The following QPCT variants were observed in gnomAD, a reference collection of about 807,000 sequenced individuals.
QPCT encodes glutaminyl-peptide cyclotransferase.
In QPCT, 44 loss-of-function variants were observed where a neutral mutation model predicts 43.4. The ratio of observed to expected loss-of-function variants is 1.01; its 90% CI spans 0.80 to 1.30. The LOEUF (loss-of-function observed/expected upper bound fraction) is 1.30, where lower values mean the gene tolerates loss of function less well. Ranked by LOEUF, QPCT falls within the 50% of genes most tolerant of loss-of-function variation. The pLI is 0.00. For missense variants in QPCT, 526 were observed against 436.5 expected, an observed-to-expected ratio of 1.21 and a Z score of -1.83; for synonymous variants, 168 against 168.4, an observed-to-expected ratio of 1.00 and a Z score of 0.02.
intron 3 of QPCT, 96 bp from the exon 4 acceptor site, chr2:37,367,136 T>C (rs1672979325): frequency 3.0e-6 from 4 of 1,339,602 alleles, no homozygotes; most frequent in Admixed American, 4.3e-5. Flanking sequence ...CCTTTCTTTA[T>C]GGCACATCTA....
chr2:37,350,000 CAGAG>C (rs1440122949), intron 1 of QPCT, among the ~76,000 whole-genome samples: 3 of 152,020 alleles, frequency 2.0e-5, no homozygotes, highest in African/African-American at 7.3e-5. Flanking sequence ...AGGTAAACAA[CAGAG>C]AGAGAGGGAG....
intron 1 of QPCT, among the ~76,000 whole-genome samples, chr2:37,348,932 C>G (rs1672564346): frequency 6.6e-6 from 1 of 152,232 alleles, no homozygotes; most frequent in Admixed American, 6.5e-5. Flanking sequence ...CCCTGCTGAG[C>G]TCGCTCTTTC....
Position 37,372,692 on chromosome 2 carries a change from T to C in QPCT, c.951T>C (p.Val317=). The change falls in exon 7 of 7, where the codon GTT becomes GTC. Residue 317 remains valine (V), a synonymous_variant. Coordinates refer to ENST00000338415, the MANE Select transcript of QPCT (RefSeq NM_012413.4). The part of the protein sequence containing the change: ...HIPFLRRGVP[V]LHLIPSPFPE... Reference sequence around the variant, plus strand: ...GTTCTTTCTTAATAGGTGTTCCAGTTCTGCATCTGATACCGTCTCCTTTCC... The same window carrying C: ...GTTCTTTCTTAATAGGTGTTCCAGTCCTGCATCTGATACCGTCTCCTTTCC... The C allele has an allele frequency of 6.8e-6, 11 of 1,612,902 alleles. No homozygotes were observed. The highest frequency in any genetic ancestry group is 9.3e-6 in the Non-Finnish European group (11 of 1,179,584).
chr2:37,360,246 G>T (rs376977589), intron 3 of QPCT, among the ~76,000 whole-genome samples: 1 of 152,178 alleles, frequency 6.6e-6, no homozygotes, highest in Admixed American at 6.5e-5. Flanking sequence ...TCTGAGAGAT[G>T]GTGGCTCTTG....
At chr2:37,353,763 G>A (rs1672673516) in intron 2 of QPCT, among the ~76,000 whole-genome samples, 1 of 152,200 alleles carries the variant, frequency 6.6e-6, no homozygotes, top group Admixed American at 6.5e-5. Flanking sequence ...GGGAAGGAAT[G>A]GGACTGGCCC....
rs938369100 is a variant in QPCT, at chr2:37,344,765, A to T, written c.34A>T (p.Thr12Ser). ...AGGRHRRVVG[T>S]LHLLLLVAAL... Reference sequence around the variant, plus strand: ...CGGAAGACACCGGCGCGTCGTGGGCACCCTCCACCTGCTGCTGCTGGTGGC... The same window carrying T: ...CGGAAGACACCGGCGCGTCGTGGGCTCCCTCCACCTGCTGCTGCTGGTGGC... Residue 12 changes from threonine (T) to serine (S), a missense_variant, in exon 1 of 7, where the codon ACC (threonine) becomes TCC (serine). By Grantham distance (58) the Thr-to-Ser change is moderately conservative (BLOSUM62 1). Coordinates refer to ENST00000338415, the MANE Select transcript of QPCT (RefSeq NM_012413.4). The T allele has an allele frequency of 6.2e-7, 1 of 1,607,940 alleles. No individual in the cohort carries two copies. The highest frequency in any genetic ancestry group is 1.3e-5 in the African/African-American group (1 of 74,570).
chr2:37,351,959 G>A (rs1038016563), intron 1 of QPCT, among the ~76,000 whole-genome samples: 1 of 151,772 alleles, frequency 6.6e-6, no homozygotes, highest in African/African-American at 2.4e-5. Flanking sequence ...GAGCCCGGGA[G>A]GTGGAGGTTG....
At chr2:37,349,553 A>C (rs1459467205) in intron 1 of QPCT, among the ~76,000 whole-genome samples, 1 of 152,244 alleles carries the variant, frequency 6.6e-6, no homozygotes, top group Admixed American at 6.5e-5. Context: ...TTCTATCCAC[A>C]GTGACCAGAT....
At chr2:37,346,714 C>T (rs1444224192) in intron 1 of QPCT, among the ~76,000 whole-genome samples, 1 of 152,176 alleles carries the variant, frequency 6.6e-6, no homozygotes, top group Non-Finnish European at 1.5e-5. Context: ...GACAATCAGC[C>T]ATCACATTTC....
At chr2:37,349,601 G>C (rs1672576460) in intron 1 of QPCT, among the ~76,000 whole-genome samples, 1 of 152,210 alleles carries the variant, frequency 6.6e-6, no homozygotes. Context: ...AAGCAGACAA[G>C]GAGCCACTGG....
At chr2:37,353,302 T>A (rs898427069) in intron 2 of QPCT, among the ~76,000 whole-genome samples, 4 of 152,178 alleles carry the variant, frequency 2.6e-5, no homozygotes, top group African/African-American at 9.7e-5. Context: ...AGAGTATCAT[T>A]GTACTGTCAG....
Position 37,347,170 on chromosome 2 carries a change from T to TATATATCATATATATATAAC in QPCT, c.120+2325_120+2326insCATATATATATAACATATAT, listed in dbSNP as rs1672512539. Among the ~76,000 whole-genome samples the TATATATCATATATATATAAC allele has an allele frequency of 7.6e-5, 4 of 52,850 alleles. 1 individual carries two copies. Among genetic ancestry groups the TATATATCATATATATATAAC allele is most frequent in the Non-Finnish European group, 1.3e-4 (4 of 30,786 alleles). 34.7% of individuals were successfully genotyped at this position (52,850 alleles called of 152,430 possible). A position where few individuals can be genotyped will look rare whatever the true frequency, so the allele number is the denominator to read the frequency against. On this transcript the variant is annotated intron_variant, in intron 1 of 6. Coordinates refer to ENST00000338415, the MANE Select transcript of QPCT (RefSeq NM_012413.4). ...TATATATATATATATATATAACATA[T>TATATATCATATATATATAAC]ATATATATAACATATATATATAACA...
Position 37,373,265 on chromosome 2 carries a change from C to T in QPCT, c.*438C>T, listed in dbSNP as rs1260058392. On this transcript the variant is annotated 3_prime_UTR_variant, in exon 7 of 7. Transcript: ENST00000338415. Reference sequence around the variant, plus strand: ...ATGTAGTTTGAAGGCGGTCAGATTTCTTTGAGAAATCTTTGTAGAGTTAAT... The same window carrying T: ...ATGTAGTTTGAAGGCGGTCAGATTTTTTTGAGAAATCTTTGTAGAGTTAAT... The T allele has an allele frequency of 6.6e-6, 1 of 152,188 alleles. No individual in the cohort carries two copies. The highest frequency in any genetic ancestry group is 1.5e-5 in the Non-Finnish European group (1 of 68,114). The allele number at this position is 152,188 out of a possible 1,614,324, so 9.4% of individuals were successfully genotyped here.
chr2:37,368,786 A>ATCACTGTG, intron 4 of QPCT: 10 of 418,488 alleles, frequency 2.4e-5, no homozygotes, highest in South Asian at 5.4e-5. Context: ...AAATATATGA[A>ATCACTGTG]GCCACAGTGA....
rs72866705 is a variant in QPCT, at chr2:37,367,738, G to A, written c.723+330G>A. On this transcript the variant is annotated intron_variant, in intron 4 of 6. Transcript: ENST00000338415. ...AATAAAATAATTAGCTGGGTGTTGT[G>A]TATGCCTGTAATCTTAGCTACTCAA... is the stretch of plus-strand genomic sequence containing the variant. Among the ~76,000 whole-genome samples, 1,025 of 152,066 alleles carry A rather than the reference G, an allele frequency of 6.7e-3. 9 individuals are homozygous for A. The highest frequency in any genetic ancestry group is 0.024 in the African/African-American group (975 of 41,486).
rs768672625 is a variant in QPCT at position 37,367,272 on chromosome 2, T to C, written c.587T>C (p.Ile196Thr). 7.4e-6 allele frequency: 12 copies of C among 1,614,090 alleles called. No homozygotes were observed. The highest frequency in any genetic ancestry group is 7.6e-6 in the Non-Finnish European group (9 of 1,179,964). The change falls in exon 4 of 7, where the codon ATC (isoleucine) becomes ACC (threonine). Residue 196 changes from isoleucine (I) to threonine (T), a missense_variant. Ile to Thr is a moderately conservative substitution (Grantham distance 89). Transcript: ENST00000338415. ...DSKPDLSLQL[I>T]FFDGEEAFLH... The stretch of plus-strand genomic sequence containing the variant: ...AAGCCAGATTTGTCACTCCAGCTGA[T>C]CTTCTTTGATGGTGAAGAGGCTTTT...
chr2:37,355,498 A>G (rs1672723876), intron 2 of QPCT, among the ~76,000 whole-genome samples: 1 of 152,170 alleles, frequency 6.6e-6, no homozygotes, highest in Non-Finnish European at 1.5e-5. Context: ...AAAAAAGGGT[A>G]AACTTGATAT....
Position 37,352,918 on chromosome 2 carries a change from A to G in QPCT, c.250A>G (p.Ser84Gly), listed in dbSNP as rs373504469. 930 of 1,613,762 alleles carry G rather than the reference A, an allele frequency of 5.8e-4. 20 individuals carry two copies. The South Asian group carries it at 9.7e-3, about 17-fold the overall frequency. ...AGAGCGATACCCGGGATCCCCTGGA[A>G]GCTATGCTGCTCGTCAGGTGAGAAC... ...LIERYPGSPG[S>G]YAARQHIMQR... Residue 84 changes from serine (S) to glycine (G), a missense_variant, in exon 2 of 7, where the codon AGC becomes GGC. Transcript: ENST00000338415.
chr2:37,368,840 A>AT (rs917412732), intron 4 of QPCT, among the ~76,000 whole-genome samples: 2 of 152,118 alleles, frequency 1.3e-5, no homozygotes, highest in Admixed American at 6.5e-5. Context: ...AATGAAGATC[A>AT]TTTTTTTCCA....
Sources: allele counts gnomAD v4.1 joint callset (sites outside exome capture counted in the v4.1 genomes callset), GRCh38; gene constraint gnomAD v4.1.1; transcripts MANE v1.5; gene names NCBI Gene and HGNC (gene_info 2026-07-23, HGNC 2026-07-21).